The following KLHL7 variants were observed in gnomAD, a reference collection of about 807,000 sequenced individuals.
The protein encoded by KLHL7 is kelch like family member 7.
In KLHL7, 44 loss-of-function variants were observed where a neutral mutation model predicts 67.4. That is an observed-to-expected ratio of 0.65 (90% CI 0.51 to 0.84). The LOEUF (loss-of-function observed/expected upper bound fraction) is 0.84. Among genes scored for constraint, KLHL7 ranks in the 40% least tolerant of loss-of-function variants. The pLI, the probability that KLHL7 is intolerant of heterozygous loss-of-function variation, is 0.00. For synonymous variants in KLHL7, 252 were observed against 243.3 expected (o/e 1.04, Z -0.33); for missense variants, 362 against 718.1 (o/e 0.50, Z 5.67).
At chr7:23,109,153 C>A (rs190739759) in intron 1 of KLHL7, among the ~76,000 whole-genome samples, 2 of 152,050 alleles carry the variant, frequency 1.3e-5, no homozygotes, top group Admixed American at 6.5e-5. Flanking sequence ...TACGCTTCTG[C>A]CAGTTGTGTG....
intron 1 of KLHL7, among the ~76,000 whole-genome samples, chr7:23,107,662 A>G (rs1395357844): frequency 6.6e-6 from 1 of 152,206 alleles, no homozygotes; most frequent in Non-Finnish European, 1.5e-5. Flanking sequence ...GTTACAATAG[A>G]AGTACAATTA....
At chr7:23,150,785 A>G (rs538362589) in intron 6 of KLHL7, among the ~76,000 whole-genome samples, 24 of 152,310 alleles carry the variant, frequency 1.6e-4, no homozygotes, top group African/African-American at 5.8e-4. Context: ...CCTGTGGTCC[A>G]GGCAGTTTGA....
At chr7:23,133,583 C>G (rs890478360) in intron 4 of KLHL7, among the ~76,000 whole-genome samples, 8 of 152,170 alleles carry the variant, frequency 5.3e-5, no homozygotes, top group Non-Finnish European at 8.8e-5. Flanking sequence ...AGATACATGC[C>G]ACCACACCTG....
Position 23,143,908 on chromosome 7 carries a change from A to G in KLHL7, c.676A>G (p.Met226Val). ...KYDEPNRQPF[M>V]VDILAKVRFP... Reference sequence around the variant, plus strand: ...CGATGAACCTAATCGCCAGCCATTTATGGTTGATATCCTTGCTAAAGTCAG... The same window carrying G: ...CGATGAACCTAATCGCCAGCCATTTGTGGTTGATATCCTTGCTAAAGTCAG... The change falls in exon 6 of 11, where the codon ATG becomes GTG. Residue 226 changes from methionine (M) to valine (V), a missense_variant. This residue lies in a region of KLHL7 where 155 missense variants were observed against 280.8 expected (regional missense o/e 0.55). Transcript: ENST00000339077. 1 of 1,614,146 alleles carries G rather than the reference A, an allele frequency of 6.2e-7. No individual in the cohort carries two copies. Among genetic ancestry groups the G allele is most frequent in the Non-Finnish European group, 8.5e-7 (1 of 1,180,006 alleles).
chr7:23,159,098 T>TA (rs904832941), intron 7 of KLHL7, among the ~76,000 whole-genome samples: 46 of 152,156 alleles, frequency 3.0e-4, no homozygotes, highest in South Asian at 1.9e-3. Context: ...CTGCACTTTT[T>TA]AAAAAAAAGG....
intron 6 of KLHL7, among the ~76,000 whole-genome samples, chr7:23,150,222 A>T (rs1368697940): frequency 6.6e-6 from 1 of 152,172 alleles, no homozygotes; most frequent in Non-Finnish European, 1.5e-5. Flanking sequence ...ACAATTCAAA[A>T]GGTATTAAAA....
intron 9 of KLHL7, among the ~76,000 whole-genome samples, chr7:23,171,636 A>G (rs1785164416): frequency 1.3e-5 from 2 of 152,256 alleles, no homozygotes; most frequent in Admixed American, 1.3e-4. Flanking sequence ...ACATAAATGT[A>G]AGACAAAAGA....
At chr7:23,134,095 A>C (rs1484976413) in intron 4 of KLHL7, among the ~76,000 whole-genome samples, 1 of 152,102 alleles carries the variant, frequency 6.6e-6, no homozygotes, top group Non-Finnish European at 1.5e-5. Context: ...TCTGTTGTAT[A>C]TGGCTTTTAT....
At chr7:23,144,345 AT>A (rs1313198099) in intron 6 of KLHL7, among the ~76,000 whole-genome samples, 2 of 151,984 alleles carry the variant, frequency 1.3e-5, no homozygotes, top group Admixed American at 6.6e-5. Context: ...CTGTGATCAC[AT>A]TTTCTTTCTT....
chr7:23,125,919 T>C (rs1237428889), intron 4 of KLHL7: 1 of 1,385,710 alleles, frequency 7.2e-7, no homozygotes, highest in African/African-American at 1.4e-5. Flanking sequence ...TGCCTGAAAC[T>C]GCAGATAGTA....
intron 4 of KLHL7, among the ~76,000 whole-genome samples, chr7:23,132,964 T>G (rs1783854690): frequency 6.6e-6 from 1 of 152,204 alleles, no homozygotes; most frequent in Non-Finnish European, 1.5e-5. Flanking sequence ...GTGTGTTGAT[T>G]TGTTTCTGGG....
rs148057725 is a variant in KLHL7, at chr7:23,106,641, C to T, written c.120+495C>T. The T allele has an allele frequency of 1.1e-3, 1,166 of 1,027,910 alleles. 8 individuals are homozygous for T. The African/African-American group carries it at 0.019, about 16-fold the overall frequency. The allele number at this position is 1,027,910 out of a possible 1,614,324, so 63.7% of individuals were successfully genotyped here. A position where few individuals can be genotyped will look rare whatever the true frequency, so the allele number is the denominator to read the frequency against. On this transcript the variant is annotated intron_variant, in intron 1 of 10. Coordinates refer to ENST00000339077, the MANE Select transcript of KLHL7 (RefSeq NM_001031710.3). ...CCGGTGGAGCTAGTTGAAGAGGAGT[C>T]CTCCTGTTCGTGCTAATTTAGAGCA...
In KLHL7 at chr7:23,175,903, G is replaced by C. The variant is rs1785285175; in HGVS notation, c.*1605G>C. Reference sequence around the variant, plus strand: ...TTGAACCTGACAGGCAGAGGTTGCAGTGAGCTGAGATCAAGCCACTGCACC... The same window carrying C: ...TTGAACCTGACAGGCAGAGGTTGCACTGAGCTGAGATCAAGCCACTGCACC... On this transcript the variant is annotated 3_prime_UTR_variant, in exon 11 of 11. Coordinates refer to ENST00000339077, the MANE Select transcript of KLHL7 (RefSeq NM_001031710.3). 1 of 140,496 alleles carries C rather than the reference G, an allele frequency of 7.1e-6. No homozygotes were observed. Among genetic ancestry groups the C allele is most frequent in the Admixed American group, 7.4e-5 (1 of 13,454 alleles). The allele number at this position is 140,496 out of a possible 1,614,324, so 8.7% of individuals were successfully genotyped here.
intron 9 of KLHL7, among the ~76,000 whole-genome samples, chr7:23,171,903 G>A (rs1583740474): frequency 6.6e-6 from 1 of 152,182 alleles, no homozygotes; most frequent in Admixed American, 6.5e-5. Flanking sequence ...TAGAGACGGG[G>A]TTTCACCGTG....
chr7:23,119,105 G>A (rs1024542541), intron 1 of KLHL7, among the ~76,000 whole-genome samples: 1 of 152,102 alleles, frequency 6.6e-6, no homozygotes, highest in African/African-American at 2.4e-5. Flanking sequence ...AGAAAGTATA[G>A]TATTTAAATT....
intron 4 of KLHL7, among the ~76,000 whole-genome samples, chr7:23,126,686 C>G (rs1451858736): frequency 5.9e-5 from 9 of 152,126 alleles, no homozygotes; most frequent in African/African-American, 1.9e-4. Context: ...CTGCATACCC[C>G]CTCACTGTGA....
chr7:23,142,353 A>G (rs552461005), intron 5 of KLHL7, among the ~76,000 whole-genome samples: 1 of 152,312 alleles, frequency 6.6e-6, no homozygotes, highest in Non-Finnish European at 1.5e-5. Context: ...CTTTTGTTCT[A>G]AAAACAAAAA....
At chr7:23,158,626 T>A (rs1292519667) in intron 7 of KLHL7, among the ~76,000 whole-genome samples, 1 of 152,198 alleles carries the variant, frequency 6.6e-6, no homozygotes, top group African/African-American at 2.4e-5. Flanking sequence ...AAATAAGTAA[T>A]ATTTTAGCAT....
chr7:23,172,977 C>T lies in KLHL7; in HGVS notation c.1409C>T (p.Ala470Val), dbSNP rs757750134. 2 of 1,613,724 alleles carry T rather than the reference C, an allele frequency of 1.2e-6. No homozygotes were observed. Among genetic ancestry groups the T allele is most frequent in the African/African-American group, 2.7e-5 (2 of 74,992 alleles). ...ACTGAGCTGTGTCCAATGATTGAAG[C>T]CAGGAAGAATCATGGGCTGGTATTT... Reference protein sequence around the residue: ...TWTELCPMIEARKNHGLVFVK... With the variant: ...TWTELCPMIEVRKNHGLVFVK... Residue 470 changes from alanine (A) to valine (V), a missense_variant, in exon 10 of 11, where the codon GCC (alanine) becomes GTC (valine). Around this residue, in one of 5 missense-constraint regions of KLHL7, gnomAD observed 136 missense variants for 252.7 expected, o/e 0.54. Coordinates refer to ENST00000339077, the MANE Select transcript of KLHL7 (RefSeq NM_001031710.3).
Sources: gnomAD v4.1 joint callset for allele counts (sites outside exome capture counted in the v4.1 genomes callset) on GRCh38, gnomAD v4.1.1 for gene constraint, gnomAD v4.1.1 regional missense constraint, MANE v1.5 for transcripts, NCBI Gene and HGNC (gene_info 2026-07-23, HGNC 2026-07-21) for gene names.